MARCHF11: variants seen among roughly 807,000 people sequenced by gnomAD.
MARCHF11 encodes the protein E3 ubiquitin-protein ligase MARCHF11.
In MARCHF11, 29 loss-of-function variants were observed where a neutral mutation model predicts 37.3. The observed-to-expected ratio is 0.78, with a 90% confidence interval of 0.58 to 1.06. The LOEUF is 1.06. Ranked by LOEUF, MARCHF11 falls within the 50% of genes least tolerant of loss-of-function variation. The pLI is 0.00. For missense variants in MARCHF11, 482 were observed against 533.4 expected (o/e 0.90, Z 0.95); for synonymous variants, 233 against 228.0 (o/e 1.02, Z -0.20).
rs1161006464 is a variant in MARCHF11, at chr5:16,145,581, T to A, written c.693+32145A>T. ...CAAGCAGACTAATAACAGTTCTTTATGGAAGAAAAAGTCCTTTTAGAATTA... is the reference window on the plus strand; with the variant it reads ...CAAGCAGACTAATAACAGTTCTTTAAGGAAGAAAAAGTCCTTTTAGAATTA... On this transcript the variant is annotated intron_variant, in intron 2 of 3. Transcript: ENST00000332432. Among the ~76,000 whole-genome samples the A allele has an allele frequency of 3.9e-5, 6 of 152,280 alleles. No individual in the cohort carries two copies. In the East Asian group the frequency reaches 9.7e-4, roughly 25 times the overall value.
At chr5:16,067,915 G>A in intron 3 of MARCHF11, 122 bp from the exon 4 acceptor site, 2 of 861,230 alleles carry the variant, frequency 2.3e-6, no homozygotes, top group Non-Finnish European at 3.5e-6. Flanking sequence ...CAAAAATACA[G>A]TATTCTGTTT....
At chr5:16,122,980 T>C (rs1266672640) in intron 2 of MARCHF11, among the ~76,000 whole-genome samples, 2 of 152,318 alleles carry the variant, frequency 1.3e-5, no homozygotes, top group South Asian at 2.1e-4. Flanking sequence ...GTTGATGCTG[T>C]GAGGCTGTAA....
chr5:16,079,191 C>T (rs1736567263), intron 3 of MARCHF11, among the ~76,000 whole-genome samples: 1 of 152,162 alleles, frequency 6.6e-6, no homozygotes, highest in South Asian at 2.1e-4. Context: ...CCAGCCTGGG[C>T]CTTGCTCTTC....
At chr5:16,169,679 T>C (rs944167889) in intron 2 of MARCHF11, among the ~76,000 whole-genome samples, 1 of 152,172 alleles carries the variant, frequency 6.6e-6, no homozygotes. Flanking sequence ...TTATGAGTTA[T>C]TCTCACAGGG....
intron 2 of MARCHF11, among the ~76,000 whole-genome samples, chr5:16,172,587 T>G (rs764053857): frequency 6.6e-6 from 1 of 152,230 alleles, no homozygotes; most frequent in African/African-American, 2.4e-5. Context: ...ATGTCTTGAA[T>G]GATTTCAAAT....
intron 2 of MARCHF11, among the ~76,000 whole-genome samples, chr5:16,148,002 A>T (rs1411439687): frequency 6.6e-6 from 1 of 152,150 alleles, no homozygotes; most frequent in African/African-American, 2.4e-5. Context: ...TATGTCACCA[A>T]GTAGGCTACA....
chr5:16,075,155 A>G (rs544407920), intron 3 of MARCHF11, among the ~76,000 whole-genome samples: 1 of 152,236 alleles, frequency 6.6e-6, no homozygotes, highest in Non-Finnish European at 1.5e-5. Context: ...TTAGTTAATG[A>G]CCATCCCCCA....
At chr5:16,150,235 C>T (rs192432457) in intron 2 of MARCHF11, among the ~76,000 whole-genome samples, 2 of 149,600 alleles carry the variant, frequency 1.3e-5, no homozygotes, top group Admixed American at 1.3e-4. Context: ...TAAGGGACAG[C>T]AGGGAGTTAT....
chr5:16,097,535 T>C (rs1324370988), intron 2 of MARCHF11, among the ~76,000 whole-genome samples: 2 of 152,162 alleles, frequency 1.3e-5, no homozygotes, highest in Admixed American at 6.5e-5. Context: ...ATTCTAAAGA[T>C]GGAAAGAGCA....
Position 16,123,224 on chromosome 5 carries a change from T to C in MARCHF11, c.694-32143A>G, listed in dbSNP as rs1238883488. On this transcript the variant is annotated intron_variant, in intron 2 of 3. Transcript: ENST00000332432. ...TTTACAATGTGGCTGCATTTGGAGA[T>C]AGGGTGTTTGCAAAATTGATGAAGG... Among the ~76,000 whole-genome samples the C allele has an allele frequency of 5.9e-5, 9 of 152,184 alleles. 1 individual carries two copies. Among genetic ancestry groups the C allele is most frequent in the Middle Eastern group, 3.2e-3 (1 of 316 alleles).
chr5:16,118,963 G>A (rs1737265294), intron 2 of MARCHF11, among the ~76,000 whole-genome samples: 1 of 152,152 alleles, frequency 6.6e-6, no homozygotes, highest in Non-Finnish European at 1.5e-5. Context: ...TTGTCTGTTA[G>A]GTTCTTGCTT....
chr5:16,076,218 A>G (rs944394267), intron 3 of MARCHF11, among the ~76,000 whole-genome samples: 8 of 152,236 alleles, frequency 5.3e-5, no homozygotes. Flanking sequence ...CAAACCCACT[A>G]CTGGCACATT....
chr5:16,076,739 C>T (rs539610113), intron 3 of MARCHF11, among the ~76,000 whole-genome samples: 27 of 152,300 alleles, frequency 1.8e-4, no homozygotes, highest in African/African-American at 5.1e-4. Context: ...GTGTGGCTTG[C>T]TCAGGGGCCT....
At chr5:16,162,945 C>T (rs79330409) in intron 2 of MARCHF11, among the ~76,000 whole-genome samples, 21,845 of 151,854 alleles carry the variant, frequency 0.14, 1,697 homozygotes, top group Admixed American at 0.2. Context: ...CATAGAGTAG[C>T]GTTGTTGCTT....
intron 2 of MARCHF11, among the ~76,000 whole-genome samples, chr5:16,137,561 T>C (rs1252061113): frequency 6.6e-6 from 1 of 152,184 alleles, no homozygotes; most frequent in Non-Finnish European, 1.5e-5. Context: ...AAGTGGGATA[T>C]TGCTATTAAG....
chr5:16,135,162 C>T (rs546424214), intron 2 of MARCHF11, among the ~76,000 whole-genome samples: 2 of 152,252 alleles, frequency 1.3e-5, no homozygotes, highest in Admixed American at 1.3e-4. Context: ...GTTACTAAAC[C>T]AGGAAGCTGT....
chr5:16,168,687 T>C (rs1738209456), intron 2 of MARCHF11, among the ~76,000 whole-genome samples: 1 of 152,112 alleles, frequency 6.6e-6, no homozygotes, highest in Non-Finnish European at 1.5e-5. Context: ...GCTGGAGGTC[T>C]CACTGGAAAC....
rs144164085 is a variant in MARCHF11 at position 16,067,149 on chromosome 5, T to C, written c.*322A>G. Reference sequence around the variant, plus strand: ...ATTACACACAGAGCGAAAGCTTTCATAAAAATATATTTAAAACAAGCAAGA... The same window carrying C: ...ATTACACACAGAGCGAAAGCTTTCACAAAAATATATTTAAAACAAGCAAGA... On this transcript the variant is annotated 3_prime_UTR_variant, in exon 4 of 4. Transcript: ENST00000332432. The C allele has an allele frequency of 7.7e-4, 173 of 224,218 alleles. 3 individuals carry two copies. The East Asian group carries it at 0.015, about 20-fold the overall frequency. The allele number at this position is 224,218 out of a possible 1,614,324, so 13.9% of individuals were successfully genotyped here. A position where few individuals can be genotyped will look rare whatever the true frequency, so the allele number is the denominator to read the frequency against.
intron 2 of MARCHF11, among the ~76,000 whole-genome samples, chr5:16,098,113 T>C (rs1484025769): frequency 2.0e-5 from 3 of 152,164 alleles, no homozygotes; most frequent in Non-Finnish European, 4.4e-5. Context: ...AATCATTTGG[T>C]ATACTCTCAT....
Sources: gnomAD v4.1 joint callset for allele counts (sites outside exome capture counted in the v4.1 genomes callset) on GRCh38, gnomAD v4.1.1 for gene constraint, MANE v1.5 for transcripts, NCBI Gene and HGNC (gene_info 2026-07-23, HGNC 2026-07-21) for gene names.